The following PLAAT5 variants were observed in gnomAD, a reference collection of about 807,000 sequenced individuals.
The protein encoded by PLAAT5 is Ca(2+)-independent N-acyltransferase.
In PLAAT5, 27 loss-of-function variants were observed where a neutral mutation model predicts 27.8. That is an observed-to-expected ratio of 0.97 (90% CI 0.72 to 1.34). The LOEUF is 1.34. Ranked by LOEUF, PLAAT5 falls within the 40% of genes most tolerant of loss-of-function variation. The probability of loss-of-function intolerance (pLI) is 0.00; values close to 1 mark genes in which losing one functional copy is unlikely to be tolerated. For missense variants in PLAAT5, 368 were observed against 343.8 expected, an observed-to-expected ratio of 1.07 and a Z score of -0.56; for synonymous variants, 125 against 136.1, an observed-to-expected ratio of 0.92 and a Z score of 0.57.
intron 4 of PLAAT5, 131 bp from the exon 5 acceptor site, chr11:63,466,503 G>T: frequency 1.1e-6 from 1 of 916,808 alleles, no homozygotes; most frequent in East Asian, 2.6e-5. Context: ...GCAGAAGAGG[G>T]GAAGTTGGAA....
chr11:63,483,833 A>ATATATG (rs2120325647), intron 3 of PLAAT5, among the ~76,000 whole-genome samples: 1 of 117,548 alleles, frequency 8.5e-6, no homozygotes, highest in Non-Finnish European at 1.8e-5. Context: ...ATATATATAT[A>ATATATG]TATATATATA....
intron 1 of PLAAT5, chr11:63,490,642 A>C (rs1590632357): frequency 1.6e-6 from 1 of 610,040 alleles, no homozygotes; most frequent in Non-Finnish European, 2.9e-6. Flanking sequence ...CGGTCTTAAC[A>C]CCACCCTCCG....
At position 63,491,046 on chromosome 11, in the gene PLAAT5, G is replaced by A. The variant is rs1385570119; in HGVS notation, c.-12C>T. On this transcript the variant is annotated 5_prime_UTR_variant, in exon 1 of 6. Coordinates refer to ENST00000540857, the MANE Select transcript of PLAAT5 (RefSeq NM_001146729.2). ...GGGCTCAGGCCCATCCCGCCTCTGC[G>A]GCCTCGCCGGCCCCCAGGCCTTGCA... 4.9e-6 allele frequency: 7 copies of A among 1,426,412 alleles called. No homozygotes were observed. Among genetic ancestry groups the A allele is most frequent in the Non-Finnish European group, 6.4e-6 (7 of 1,091,774 alleles). The allele number at this position is 1,426,412 out of a possible 1,614,324, so 88.4% of individuals were successfully genotyped here.
rs768796267 is a variant in PLAAT5 at position 63,478,325 on chromosome 11, C to CT, written c.346-9861dup. Among the ~76,000 whole-genome samples the CT allele has an allele frequency of 3.5e-3, 499 of 143,904 alleles. 2 individuals carry two copies. The highest frequency in any genetic ancestry group is 6.2e-3 in the African/African-American group (246 of 39,508). The allele number at this position is 143,904 out of a possible 152,430, so 94.4% of individuals were successfully genotyped here. The stretch of plus-strand genomic sequence containing the variant: ...TTCTTTCTGAGAACCAATAGACTTT[C>CT]TTTTTTTTTTTTTTAGACGGAGTCT... On this transcript the variant is annotated intron_variant, in intron 3 of 5. Transcript: ENST00000540857.
intron 3 of PLAAT5, among the ~76,000 whole-genome samples, chr11:63,481,740 G>C (rs1257564943): frequency 6.6e-6 from 1 of 152,162 alleles, no homozygotes; most frequent in Admixed American, 6.5e-5. Context: ...AAAATGATGA[G>C]TTCATGTCCT....
chr11:63,462,152 A>C lies in PLAAT5; in HGVS notation c.*1351T>G, dbSNP rs1044637301. The C allele has an allele frequency of 2.0e-5, 3 of 152,216 alleles. No homozygotes were observed. Among genetic ancestry groups the C allele is most frequent in the Non-Finnish European group, 4.4e-5 (3 of 68,040 alleles). The allele number at this position is 152,216 out of a possible 1,614,324, so 9.4% of individuals were successfully genotyped here. A position where few individuals can be genotyped will look rare whatever the true frequency, so the allele number is the denominator to read the frequency against. ...CTAAAACATGGCTGGGTTAGTTTGC[A>C]GCTAAAAGGAATAAATATACTTTAT... On this transcript the variant is annotated 3_prime_UTR_variant, in exon 6 of 6. Transcript: ENST00000540857.
At chr11:63,476,736 G>A (rs1475641310) in intron 3 of PLAAT5, among the ~76,000 whole-genome samples, 2 of 152,078 alleles carry the variant, frequency 1.3e-5, no homozygotes, top group African/African-American at 4.8e-5. Flanking sequence ...ATCAAATTTG[G>A]AAAGTATTCA....
chr11:63,473,706 G>GTTTTTTTTT (rs201090137), intron 3 of PLAAT5, among the ~76,000 whole-genome samples: 2 of 117,678 alleles, frequency 1.7e-5, no homozygotes, highest in African/African-American at 3.0e-5. Context: ...TTTTTTTGTT[G>GTTTTTTTTT]TTTTTTTTTT....
At position 63,468,998 on chromosome 11, in the gene PLAAT5, C is replaced by T. The variant is rs561164809; in HGVS notation, c.346-533G>A. On this transcript the variant is annotated intron_variant, in intron 3 of 5. Coordinates refer to ENST00000540857, the MANE Select transcript of PLAAT5 (RefSeq NM_001146729.2). ...CCCTCTGCAGGGCCCCCACGTGACC[C>T]ACCTGAAGCCCAGAGGGTGCCCCCA... is the stretch of plus-strand genomic sequence containing the variant. Among the ~76,000 whole-genome samples, 8 of 152,138 alleles carry T rather than the reference C, an allele frequency of 5.3e-5. No homozygotes were observed. The South Asian group carries it at 1.7e-3, about 32-fold the overall frequency.
intron 3 of PLAAT5, among the ~76,000 whole-genome samples, chr11:63,484,772 T>C (rs2016395099): frequency 6.6e-6 from 1 of 152,144 alleles, no homozygotes; most frequent in Non-Finnish European, 1.5e-5. Context: ...TTATTCGACA[T>C]AGTGCTAGAA....
chr11:63,474,098 G>A (rs1356474883), intron 3 of PLAAT5, among the ~76,000 whole-genome samples: 1 of 152,058 alleles, frequency 6.6e-6, no homozygotes, highest in Non-Finnish European at 1.5e-5. Context: ...ATTCATGCTG[G>A]ATTCCATTTG....
chr11:63,490,549 G>C, intron 1 of PLAAT5: 2 of 730,764 alleles, frequency 2.7e-6, no homozygotes, highest in Admixed American at 5.5e-5. Context: ...GGGATTCCTG[G>C]GAACGGAATC....
chr11:63,485,588 C>G (rs187709962), intron 3 of PLAAT5, among the ~76,000 whole-genome samples: 1 of 152,296 alleles, frequency 6.6e-6, no homozygotes, highest in East Asian at 1.9e-4. Context: ...AAGAATAAAG[C>G]TGGATCCTCA....
At chr11:63,470,299 T>G (rs552372136) in intron 3 of PLAAT5, 6 of 161,338 alleles carry the variant, frequency 3.7e-5, no homozygotes, top group African/African-American at 1.4e-4. Flanking sequence ...TAAGTGCATC[T>G]CAAGCCTTAG....
intron 4 of PLAAT5, 64 bp from the exon 5 acceptor site, chr11:63,466,436 A>G (rs935386414): frequency 7.2e-6 from 11 of 1,526,860 alleles, no homozygotes; most frequent in Non-Finnish European, 8.9e-6. Flanking sequence ...GCACAGTCTA[A>G]GACTCTGAGT....
At chr11:63,475,314 C>T (rs555712107) in intron 3 of PLAAT5, among the ~76,000 whole-genome samples, 61 of 152,050 alleles carry the variant, frequency 4.0e-4, no homozygotes, top group African/African-American at 1.4e-3. Context: ...TTGCTTCATA[C>T]TTTTTGGGAT....
chr11:63,473,807 C>T (rs12280687), intron 3 of PLAAT5, among the ~76,000 whole-genome samples: 2 of 150,502 alleles, frequency 1.3e-5, no homozygotes, highest in Non-Finnish European at 3.0e-5. Flanking sequence ...CCACCTCCTG[C>T]GTTCAAGTGA....
chr11:63,479,511 T>G (rs1004165703), intron 3 of PLAAT5, among the ~76,000 whole-genome samples: 13 of 152,260 alleles, frequency 8.5e-5, no homozygotes, highest in African/African-American at 1.2e-4. Context: ...GCCTTTAATT[T>G]ATAATTTAGG....
At chr11:63,467,327 C>CTT (rs1417237295) in intron 4 of PLAAT5, among the ~76,000 whole-genome samples, 1 of 152,040 alleles carries the variant, frequency 6.6e-6, no homozygotes, top group East Asian at 1.9e-4. Context: ...AACTCCTGGA[C>CTT]TTAGTCTGGA....
Sources: allele counts gnomAD v4.1 joint callset (sites outside exome capture counted in the v4.1 genomes callset), GRCh38; gene constraint gnomAD v4.1.1; transcripts MANE v1.5; gene names NCBI Gene and HGNC (gene_info 2026-07-23, HGNC 2026-07-21).